The following LMX1B variants were observed in gnomAD, a reference collection of about 807,000 sequenced individuals.
LMX1B encodes the protein LIM homeobox transcription factor 1 beta.
In LMX1B, 12 loss-of-function variants were observed where a neutral mutation model predicts 51.4. The observed-to-expected ratio is 0.23, with a 90% confidence interval of 0.15 to 0.38. The LOEUF (loss-of-function observed/expected upper bound fraction) is 0.38. Ranked by LOEUF, LMX1B falls within the 10% of genes least tolerant of loss-of-function variation. LMX1B has a pLI of 1.00. For missense variants in LMX1B, 445 were observed against 571.1 expected, an observed-to-expected ratio of 0.78 and a Z score of 2.25; for synonymous variants, 237 against 235.4, an observed-to-expected ratio of 1.01 and a Z score of -0.06.
rs1461191976 is a variant in LMX1B, at chr9:126,700,841, C to A, written c.*4390C>A. The A allele has an allele frequency of 6.6e-6, 1 of 152,234 alleles. No homozygotes were observed. Among genetic ancestry groups the A allele is most frequent in the East Asian group, 1.9e-4 (1 of 5,198 alleles). 9.4% of individuals were successfully genotyped at this position (152,234 alleles called of 1,614,324 possible). A position where few individuals can be genotyped will look rare whatever the true frequency, so the allele number is the denominator to read the frequency against. ...GTACAGACAGATTCTCACTACCCAC[C>A]CGCCATCCCCAGACACATTTTATTT... On this transcript the variant is annotated 3_prime_UTR_variant, in exon 8 of 8. Coordinates refer to ENST00000373474, the MANE Select transcript of LMX1B (RefSeq NM_001174147.2).
intron 2 of LMX1B, among the ~76,000 whole-genome samples, chr9:126,616,386 G>T (rs950080828): frequency 8.5e-5 from 13 of 152,208 alleles, no homozygotes; most frequent in African/African-American, 1.4e-4. Context: ...GTTTTTAGCT[G>T]AGACTGGATT....
chr9:126,633,293 G>A (rs1835662318), intron 2 of LMX1B, among the ~76,000 whole-genome samples: 1 of 152,238 alleles, frequency 6.6e-6, no homozygotes, highest in Admixed American at 6.5e-5. Context: ...CCTGGGGGAA[G>A]CCTTGCCTGC....
At chr9:126,680,517 AATG>A (rs1836652426) in intron 2 of LMX1B, among the ~76,000 whole-genome samples, 1 of 152,144 alleles carries the variant, frequency 6.6e-6, no homozygotes, top group Non-Finnish European at 1.5e-5. Flanking sequence ...AAGCAATAAT[AATG>A]ATAATAATGA....
At chr9:126,664,184 C>CGG (rs972004421) in intron 2 of LMX1B, among the ~76,000 whole-genome samples, 3 of 152,228 alleles carry the variant, frequency 2.0e-5, no homozygotes, top group South Asian at 4.2e-4. Context: ...CTGAGGCTGT[C>CGG]GGGGGGGTCT....
chr9:126,697,837 CTGTTTTGTTTTGTTTTGTTTTGTTT>C lies in LMX1B; in HGVS notation c.*1417_*1441del, dbSNP rs59836255. On this transcript the variant is annotated 3_prime_UTR_variant, in exon 8 of 8. Coordinates refer to ENST00000373474, the MANE Select transcript of LMX1B (RefSeq NM_001174147.2). ...TGTATATGCAGGATGGGGGCACCTA[CTGTTTTGTTTTGTTTTGTTTTGTTT>C]TGTTTTGTTTTGTTTTGTTTTGTTT... The C allele has an allele frequency of 5.9e-3, 875 of 147,906 alleles. 4 individuals are homozygous for C. The highest frequency in any genetic ancestry group is 0.01 in the African/African-American group (392 of 39,100). The allele number at this position is 147,906 out of a possible 1,614,324, so 9.2% of individuals were successfully genotyped here. A position where few individuals can be genotyped will look rare whatever the true frequency, so the allele number is the denominator to read the frequency against.
intron 2 of LMX1B, among the ~76,000 whole-genome samples, chr9:126,651,322 C>G (rs930048105): frequency 6.7e-6 from 1 of 148,940 alleles, no homozygotes; most frequent in Admixed American, 6.7e-5. Flanking sequence ...CAAGCTGCCC[C>G]GGGAAGGGCA....
chr9:126,693,656 G>A (rs964649966), intron 5 of LMX1B, 55 bp downstream of exon 5: 1 of 1,608,748 alleles, frequency 6.2e-7, no homozygotes, highest in South Asian at 1.1e-5. Flanking sequence ...ACTAGAGGGG[G>A]CAGCCAGAAG....
chr9:126,693,706 G>A lies in LMX1B; in HGVS notation c.820-40G>A, dbSNP rs941420673. The A allele has an allele frequency of 5.7e-6, 9 of 1,575,092 alleles. No homozygotes were observed. The East Asian group carries it at 7.0e-5, about 12-fold the overall frequency. On this transcript the variant is annotated intron_variant, in intron 5 of 7. Coordinates refer to ENST00000373474, the MANE Select transcript of LMX1B (RefSeq NM_001174147.2). ...GGCGTGGGGCTGGCTGTGCCTGGGG[G>A]CGAGGGGCAGCACCGGCCTGAACTG...
chr9:126,657,492 G>C (rs1836139460), intron 2 of LMX1B, among the ~76,000 whole-genome samples: 1 of 152,234 alleles, frequency 6.6e-6, no homozygotes, highest in African/African-American at 2.4e-5. Flanking sequence ...ATCCTTGGGA[G>C]CAGGGGATGC....
intron 2 of LMX1B, among the ~76,000 whole-genome samples, chr9:126,686,030 A>G (rs1211458432): frequency 6.6e-6 from 1 of 152,088 alleles, no homozygotes; most frequent in Non-Finnish European, 1.5e-5. Context: ...AGGTGAAAGA[A>G]TCAGCCATAC....
At chr9:126,684,147 A>AG (rs1836728794) in intron 2 of LMX1B, among the ~76,000 whole-genome samples, 1 of 152,058 alleles carries the variant, frequency 6.6e-6, no homozygotes, top group African/African-American at 2.4e-5. Context: ...GTCCCCATGG[A>AG]GGGAGGAAGG....
rs765331530 is a variant in LMX1B, at chr9:126,615,383, G to C, written c.140G>C (p.Gly47Ala). The C allele has an allele frequency of 6.3e-7, 1 of 1,596,724 alleles. No homozygotes were observed. Among genetic ancestry groups the C allele is most frequent in the Non-Finnish European group, 8.5e-7 (1 of 1,174,234 alleles). Residue 47 changes from glycine to alanine, a missense_variant and splice_region_variant, in exon 2 of 8, where the codon GGC (glycine) becomes GCC (alanine). This residue lies in a region of LMX1B where 273 missense variants were observed against 343.3 expected (regional missense o/e 0.80). Transcript: ENST00000373474. This position sits in a 1 kb window ranked among gnomAD's most constrained non-coding sequence, Gnocchi z 6.0. ...PGPATLGVLL[G>A]SDCPHPAVCE... Reference sequence around the variant, plus strand: ...CGGGCTTTCGCCCTGTGCGCTACAGGCTCCGACTGCCCGCATCCCGCCGTC... The same window carrying C: ...CGGGCTTTCGCCCTGTGCGCTACAGCCTCCGACTGCCCGCATCCCGCCGTC...
intron 2 of LMX1B, among the ~76,000 whole-genome samples, chr9:126,668,443 TTTATTA>T (rs61392859): frequency 6.8e-5 from 10 of 146,922 alleles, no homozygotes; most frequent in African/African-American, 1.8e-4. Context: ...AGAAGCAGGA[TTTATTA>T]TTATTATTAT....
intron 2 of LMX1B, among the ~76,000 whole-genome samples, chr9:126,666,548 G>A (rs1212747414): frequency 1.4e-5 from 2 of 146,906 alleles, no homozygotes; most frequent in Non-Finnish European, 3.0e-5. Flanking sequence ...AGGAAGAAGG[G>A]AAGTGAGAAA....
At chr9:126,617,947 A>T (rs1367263966) in intron 2 of LMX1B, among the ~76,000 whole-genome samples, 1 of 151,666 alleles carries the variant, frequency 6.6e-6, no homozygotes, top group African/African-American at 2.4e-5. Context: ...TATCAGGACA[A>T]ATAGCCAGTG....
At chr9:126,678,937 G>A (rs1208716482) in intron 2 of LMX1B, among the ~76,000 whole-genome samples, 1 of 152,214 alleles carries the variant, frequency 6.6e-6, no homozygotes, top group African/African-American at 2.4e-5. Flanking sequence ...TGTTGTTACA[G>A]CCCTAATTAA....
chr9:126,614,750 A>G (rs902707880), intron 1 of LMX1B, among the ~76,000 whole-genome samples, 162 bp downstream of exon 1: 9 of 152,138 alleles, frequency 5.9e-5, no homozygotes, highest in South Asian at 4.1e-4. Context: ...GAGGGCCGCA[A>G]GTACGCCTCC....
chr9:126,626,781 C>T lies in LMX1B; in HGVS notation c.326+11212C>T, dbSNP rs1835541687. Among the ~76,000 whole-genome samples, 1 of 152,204 alleles carries T rather than the reference C, an allele frequency of 6.6e-6. No homozygotes were observed. Among genetic ancestry groups the T allele is most frequent in the South Asian group, 2.1e-4 (1 of 4,830 alleles). On this transcript the variant is annotated intron_variant, in intron 2 of 7. Coordinates refer to ENST00000373474, the MANE Select transcript of LMX1B (RefSeq NM_001174147.2). This position sits in a 1 kb window ranked among gnomAD's most constrained non-coding sequence, Gnocchi z 4.3. Reference sequence around the variant, plus strand: ...ATTAGGTTTCAGCGCCTCCGCCCCACCCCCAGCCCCGCGGCGGTGATTTGT... The same window carrying T: ...ATTAGGTTTCAGCGCCTCCGCCCCATCCCCAGCCCCGCGGCGGTGATTTGT...
At chr9:126,666,511 G>A (rs1250097327) in intron 2 of LMX1B, among the ~76,000 whole-genome samples, 1 of 152,144 alleles carries the variant, frequency 6.6e-6, no homozygotes, top group Non-Finnish European at 1.5e-5. Context: ...AAGTAAGTGA[G>A]GGCAAAGAAA....
Sources: gnomAD v4.1 joint callset for allele counts (sites outside exome capture counted in the v4.1 genomes callset) on GRCh38, gnomAD v4.1.1 for gene constraint, gnomAD v4.1.1 regional missense constraint, Gnocchi (gnomAD v3.1) non-coding constraint, MANE v1.5 for transcripts, NCBI Gene and HGNC (gene_info 2026-07-23, HGNC 2026-07-21) for gene names.